SLC5A9: variants seen among roughly 807,000 people sequenced by gnomAD.
The protein encoded by SLC5A9 is solute carrier family 5 member 9.
In SLC5A9, 59 loss-of-function variants were observed where a neutral mutation model predicts 70.9. The ratio of observed to expected loss-of-function variants is 0.83; its 90% CI spans 0.68 to 1.03. The LOEUF (loss-of-function observed/expected upper bound fraction) is 1.03, where lower values mean the gene tolerates loss of function less well. Ranked by LOEUF, SLC5A9 falls within the 50% of genes least tolerant of loss-of-function variation. The pLI is 0.00. For missense variants in SLC5A9, 832 were observed against 881.1 expected (o/e 0.94, Z 0.71); for synonymous variants, 340 against 346.5 (o/e 0.98, Z 0.21).
chr1:48,236,123 T>C (rs1644323846), intron 10 of SLC5A9, among the ~76,000 whole-genome samples: 3 of 152,088 alleles, frequency 2.0e-5, no homozygotes, highest in Non-Finnish European at 4.4e-5. Flanking sequence ...ATCAACAGGG[T>C]TGTCGAGAGA....
intron 2 of SLC5A9, among the ~76,000 whole-genome samples, chr1:48,225,567 G>A (rs1644132107): frequency 6.6e-6 from 1 of 152,052 alleles, no homozygotes; most frequent in Admixed American, 6.6e-5. Flanking sequence ...AGTGGTAGCT[G>A]AAGCAGTATA....
Position 48,232,036 on chromosome 1 carries a change from T to G in SLC5A9, c.782T>G (p.Leu261Arg), listed in dbSNP as rs900663983. Reference protein sequence around the residue: ...NVTVPNTTCHLPRPDAFHILR... With the variant: ...NVTVPNTTCHRPRPDAFHILR... ...ACAGTCCCCAACACCACCTGTCACC[T>G]CCCACGGCCCGATGCTTTCCACATT... The change falls in exon 7 of 14, where the codon CTC (leucine) becomes CGC (arginine). Residue 261 changes from leucine (L) to arginine (R), a missense_variant. Transcript: ENST00000438567. 2.5e-6 allele frequency: 4 copies of G among 1,614,010 alleles called. No individual in the cohort carries two copies. In the African/African-American group the frequency reaches 4.0e-5, roughly 16 times the overall value.
At chr1:48,230,229 G>A (rs1383446388) in intron 4 of SLC5A9, among the ~76,000 whole-genome samples, 1 of 152,238 alleles carries the variant, frequency 6.6e-6, no homozygotes, top group African/African-American at 2.4e-5. Context: ...CCAGGGAGCA[G>A]CCAGCAACTC....
At chr1:48,225,713 T>A (rs535224341) in intron 2 of SLC5A9, among the ~76,000 whole-genome samples, 135 of 152,058 alleles carry the variant, frequency 8.9e-4, no homozygotes, top group Admixed American at 2.1e-3. Context: ...CCCGCACTCA[T>A]ACATGCTTGC....
chr1:48,239,258 GT>G lies in SLC5A9; in HGVS notation c.1462-60del. 1 of 1,255,720 alleles carries G rather than the reference GT, an allele frequency of 8.0e-7. No individual in the cohort carries two copies. The highest frequency in any genetic ancestry group is 2.3e-5 in the East Asian group (1 of 42,716). 77.8% of individuals were successfully genotyped at this position (1,255,720 alleles called of 1,614,324 possible). On this transcript the variant is annotated intron_variant, in intron 11 of 13. Coordinates refer to ENST00000438567, the MANE Select transcript of SLC5A9 (RefSeq NM_001011547.3). The surrounding 1 kb of genome is among the most constrained non-coding windows in gnomAD (Gnocchi z 4.2). The stretch of plus-strand genomic sequence containing the variant: ...GGGAGAGAGATTTGGGGAGAGAGTA[GT>G]TTTACCTTCCTAGGGTCTCCCACCT...
chr1:48,224,422 G>A (rs1431332492), intron 1 of SLC5A9, among the ~76,000 whole-genome samples: 1 of 152,198 alleles, frequency 6.6e-6, no homozygotes, highest in African/African-American at 2.4e-5. Context: ...ACTTTGGGGA[G>A]GGAAGGATAA....
chr1:48,242,853 A>G (rs368623173), intron 13 of SLC5A9, among the ~76,000 whole-genome samples: 2 of 152,278 alleles, frequency 1.3e-5, no homozygotes, highest in East Asian at 1.9e-4. Context: ...GTTTATATCT[A>G]TAGGGAGATG....
chr1:48,236,710 T>C (rs1010863700), intron 10 of SLC5A9, among the ~76,000 whole-genome samples: 6 of 152,234 alleles, frequency 3.9e-5, no homozygotes, highest in Non-Finnish European at 8.8e-5. Context: ...TCTCCCTGCC[T>C]TTGCACTCAC....
intron 9 of SLC5A9, among the ~76,000 whole-genome samples, chr1:48,234,356 C>A (rs143744277): frequency 6.6e-6 from 1 of 152,138 alleles, no homozygotes; most frequent in Admixed American, 6.5e-5. Flanking sequence ...TAGAGCAGAG[C>A]GCTGGGACAC....
chr1:48,232,094 G>C lies in SLC5A9; in HGVS notation c.840G>C (p.Trp280Cys). Residue 280 changes from tryptophan (W) to cysteine (C), a missense_variant, in exon 7 of 14, where the codon TGG becomes TGC. Physicochemically the swap from Trp to Cys is radical, Grantham distance 215. Transcript: ENST00000438567. ...ACCCTGTGAGCGGGGACATCCCTTGGCCAGGTCTCATTTTCGGGCTCACAG... is the reference window on the plus strand; with the variant it reads ...ACCCTGTGAGCGGGGACATCCCTTGCCCAGGTCTCATTTTCGGGCTCACAG... ...LRDPVSGDIP[W>C]PGLIFGLTVL... 1 of 1,614,144 alleles carries C rather than the reference G, an allele frequency of 6.2e-7. No individual in the cohort carries two copies. Among genetic ancestry groups the C allele is most frequent in the Non-Finnish European group, 8.5e-7 (1 of 1,180,006 alleles).
chr1:48,244,711 A>AATAT lies in SLC5A9; in HGVS notation c.1837+2107_1837+2110dup, dbSNP rs541187180. On this transcript the variant is annotated intron_variant, in intron 13 of 13. Coordinates refer to ENST00000438567, the MANE Select transcript of SLC5A9 (RefSeq NM_001011547.3). Reference sequence around the variant, plus strand: ...ACTTCATGGTATATTTTGCTTTGCAAATATATATATATATAAAATATATAA... The same window carrying AATAT: ...ACTTCATGGTATATTTTGCTTTGCAAATATATATATATATATATAAAATATATAA... Among the ~76,000 whole-genome samples the AATAT allele has an allele frequency of 4.4e-5, 6 of 136,150 alleles. 1 individual carries two copies. The East Asian group carries it at 1.3e-3, about 29-fold the overall frequency. 89.3% of individuals were successfully genotyped at this position (136,150 alleles called of 152,430 possible).
intron 12 of SLC5A9, chr1:48,240,576 A>C (rs1644380047): frequency 6.6e-6 from 1 of 152,210 alleles, no homozygotes; most frequent in Admixed American, 6.6e-5. Flanking sequence ...ATTCCTACAA[A>C]AAAGCAGGGC....
At position 48,239,367 on chromosome 1, in the gene SLC5A9, C is replaced by T. The variant is rs770302678; in HGVS notation, c.1507C>T (p.Arg503Cys). ...GTTTGGCCTGGGAGTGGGGCTTCTG[C>T]GTATGATCCTGGAGTTCTCATACCC... is the stretch of plus-strand genomic sequence containing the variant. ...LVFGLGVGLL[R>C]MILEFSYPAP... Residue 503 changes from arginine (R) to cysteine (C), a missense_variant, in exon 12 of 14, where the codon CGT becomes TGT. Physicochemically the swap from Arg to Cys is radical, Grantham distance 180 (BLOSUM62 -3). Coordinates refer to ENST00000438567, the MANE Select transcript of SLC5A9 (RefSeq NM_001011547.3). This position sits in a 1 kb window ranked among gnomAD's most constrained non-coding sequence, Gnocchi z 4.2. The T allele has an allele frequency of 5.0e-6, 8 of 1,613,892 alleles. No individual in the cohort carries two copies. The African/African-American group carries it at 5.3e-5, about 11-fold the overall frequency.
chr1:48,229,294 G>A lies in SLC5A9; in HGVS notation c.340-1G>A. 1 of 1,614,140 alleles carries A rather than the reference G, an allele frequency of 6.2e-7. No homozygotes were observed. On this transcript the variant is annotated splice_acceptor_variant, in intron 3 of 13. Coordinates refer to ENST00000438567, the MANE Select transcript of SLC5A9 (RefSeq NM_001011547.3). LOFTEE classifies it high-confidence loss of function. The stretch of plus-strand genomic sequence containing the variant: ...CCTTCTTCTTCTCCCCACTCTCCCA[G>A]GCAACCTGGCTGCTCCTGGCCCTTG...
In SLC5A9 at chr1:48,224,749, C is replaced by A. The variant is rs942080775; in HGVS notation, c.188C>A (p.Thr63Asn). ...TCGTCCATCCGTGCAAGTCGAGGGACCATTGGCGGCTATTTCCTGGCCGGG... is the reference window on the plus strand; with the variant it reads ...TCGTCCATCCGTGCAAGTCGAGGGAACATTGGCGGCTATTTCCTGGCCGGG... Reference protein sequence around the residue: ...IWSSIRASRGTIGGYFLAGRS... With the variant: ...IWSSIRASRGNIGGYFLAGRS... Residue 63 changes from threonine (T) to asparagine (N), a missense_variant, in exon 2 of 14, where the codon ACC becomes AAC. Transcript: ENST00000438567. The A allele has an allele frequency of 3.1e-6, 5 of 1,613,996 alleles. No individual in the cohort carries two copies. Among genetic ancestry groups the A allele is most frequent in the African/African-American group, 2.7e-5 (2 of 74,910 alleles).
chr1:48,243,268 C>T (rs1464604887), intron 13 of SLC5A9, among the ~76,000 whole-genome samples: 2 of 152,122 alleles, frequency 1.3e-5, no homozygotes, highest in Non-Finnish European at 2.9e-5. Flanking sequence ...ATGAGAGCAG[C>T]CATGCCTCCA....
intron 2 of SLC5A9, 118 bp from the exon 3 acceptor site, chr1:48,228,732 G>A: frequency 1.3e-6 from 2 of 1,484,870 alleles, no homozygotes; most frequent in Non-Finnish European, 1.8e-6. Context: ...TATGAATGCA[G>A]TGCCTGGCAT....
At chr1:48,228,980 AGAAT>A in intron 3 of SLC5A9, 26 bp downstream of exon 3, 1 of 1,613,254 alleles carries the variant, frequency 6.2e-7, no homozygotes, top group Non-Finnish European at 8.5e-7. Context: ...TGGTTTCTCC[AGAAT>A]ACTGAGGGTC....
chr1:48,242,382 A>G, intron 12 of SLC5A9, 75 bp from the exon 13 acceptor site: 1 of 1,500,796 alleles, frequency 6.7e-7, no homozygotes. Flanking sequence ...ATGGCCTTCC[A>G]TAAATGGGCC....
Sources: gnomAD v4.1 joint callset for allele counts (sites outside exome capture counted in the v4.1 genomes callset) on GRCh38, gnomAD v4.1.1 for gene constraint, Gnocchi (gnomAD v3.1) non-coding constraint, MANE v1.5 for transcripts, NCBI Gene and HGNC (gene_info 2026-07-23, HGNC 2026-07-21) for gene names.